The following ZBTB16 variants were observed in gnomAD, a reference collection of about 807,000 sequenced individuals.
ZBTB16 encodes the protein zinc finger and BTB domain containing 16.
Under a neutral mutation model 56.8 loss-of-function variants are expected in ZBTB16, and 8 were observed. That is an observed-to-expected ratio of 0.14 (90% CI 0.08 to 0.25). The LOEUF (loss-of-function observed/expected upper bound fraction) is 0.25. Among genes scored for constraint, ZBTB16 ranks in the 10% least tolerant of loss-of-function variants. The probability of loss-of-function intolerance (pLI) is 1.00; values close to 1 mark genes in which losing one functional copy is unlikely to be tolerated. For synonymous variants in ZBTB16, 363 were observed against 368.5 expected, an observed-to-expected ratio of 0.98 and a Z score of 0.17; for missense variants, 625 against 903.0, an observed-to-expected ratio of 0.69 and a Z score of 3.95.
chr11:114,182,299 C>A (rs972562837), intron 3 of ZBTB16, among the ~76,000 whole-genome samples: 4 of 152,174 alleles, frequency 2.6e-5, no homozygotes, highest in Non-Finnish European at 4.4e-5. Flanking sequence ...ATCTACCCAT[C>A]CCGGCCTCCC....
chr11:114,177,370 G>C (rs1337194263), intron 3 of ZBTB16, among the ~76,000 whole-genome samples: 2 of 152,058 alleles, frequency 1.3e-5, no homozygotes, highest in African/African-American at 4.8e-5. Flanking sequence ...CCTGCCCCAG[G>C]CTCCCGAGTA....
intron 5 of ZBTB16, among the ~76,000 whole-genome samples, chr11:114,242,883 G>C (rs1308509066): frequency 5.3e-5 from 8 of 152,158 alleles, no homozygotes; most frequent in Admixed American, 3.9e-4. Flanking sequence ...ACCCTGTTTA[G>C]GGAAGACAAG....
At chr11:114,157,746 C>G (rs1246181713) in intron 3 of ZBTB16, among the ~76,000 whole-genome samples, 1 of 152,184 alleles carries the variant, frequency 6.6e-6, no homozygotes, top group Admixed American at 6.5e-5. Context: ...CTAAAGCGTC[C>G]TAACTCCTTC....
At chr11:114,197,127 G>C (rs1170703399) in intron 4 of ZBTB16, among the ~76,000 whole-genome samples, 5 of 152,192 alleles carry the variant, frequency 3.3e-5, no homozygotes, top group Non-Finnish European at 5.9e-5. Context: ...TCTCTCCACT[G>C]TGACTACAAA....
intron 1 of ZBTB16, among the ~76,000 whole-genome samples, chr11:114,061,059 C>T (rs1346278378): frequency 6.6e-6 from 1 of 152,166 alleles, no homozygotes; most frequent in East Asian, 1.9e-4. Flanking sequence ...CTCAGCTCTC[C>T]TTCTTTCAGG....
intron 5 of ZBTB16, among the ~76,000 whole-genome samples, chr11:114,246,222 C>T (rs1295886141): frequency 6.6e-6 from 1 of 152,156 alleles, no homozygotes; most frequent in East Asian, 1.9e-4. Flanking sequence ...GCTTCTTATC[C>T]TGGTGGTGCT....
At chr11:114,179,427 C>A (rs1317932777) in intron 3 of ZBTB16, among the ~76,000 whole-genome samples, 3 of 152,182 alleles carry the variant, frequency 2.0e-5, no homozygotes, top group African/African-American at 4.8e-5. Flanking sequence ...AAACTGTACA[C>A]CATGGCCTGT....
At chr11:114,190,593 T>G (rs1454061633) in intron 4 of ZBTB16, among the ~76,000 whole-genome samples, 8 of 152,174 alleles carry the variant, frequency 5.3e-5, no homozygotes, top group African/African-American at 1.9e-4. Context: ...ACTGTACACT[T>G]TAAAAGACAT....
At chr11:114,211,648 T>C (rs1211196163) in intron 4 of ZBTB16, among the ~76,000 whole-genome samples, 1 of 152,216 alleles carries the variant, frequency 6.6e-6, no homozygotes, top group Admixed American at 6.5e-5. Flanking sequence ...TGGGGTGTTA[T>C]TGGCGACCCG....
chr11:114,133,061 T>C (rs1941707853), intron 2 of ZBTB16, among the ~76,000 whole-genome samples: 1 of 152,176 alleles, frequency 6.6e-6, no homozygotes, highest in Non-Finnish European at 1.5e-5. Context: ...AGTGTCTGAC[T>C]CTTTTTATAG....
At chr11:114,088,330 T>G (rs1030309572) in intron 2 of ZBTB16, among the ~76,000 whole-genome samples, 2 of 151,988 alleles carry the variant, frequency 1.3e-5, no homozygotes, top group Non-Finnish European at 2.9e-5. Flanking sequence ...TTAGTAGAGA[T>G]GCGGTTTCGC....
chr11:114,156,738 T>G (rs1405769647), intron 3 of ZBTB16, among the ~76,000 whole-genome samples: 2 of 152,244 alleles, frequency 1.3e-5, no homozygotes, highest in African/African-American at 4.8e-5. Flanking sequence ...AGTTGTGGAA[T>G]TAGGTTCTCA....
intron 2 of ZBTB16, among the ~76,000 whole-genome samples, chr11:114,141,010 A>G (rs188864043): frequency 1.3e-5 from 2 of 152,290 alleles, no homozygotes; most frequent in East Asian, 3.9e-4. Flanking sequence ...CACTGGGACC[A>G]AAGTCCTCAG....
chr11:114,135,309 G>A (rs1941769982), intron 2 of ZBTB16, among the ~76,000 whole-genome samples: 1 of 152,182 alleles, frequency 6.6e-6, no homozygotes, highest in Non-Finnish European at 1.5e-5. Flanking sequence ...AGACAAAATA[G>A]TGACTCCCTA....
rs564153357 is a variant in ZBTB16, at chr11:114,253,036, A to G, written c.*2481A>G. 1.3e-5 allele frequency among the ~76,000 whole-genome samples: 2 copies of G among 152,236 alleles called. No homozygotes were observed. Among genetic ancestry groups the G allele is most frequent in the South Asian group, 4.1e-4 (2 of 4,828 alleles). On this transcript the variant is annotated 3_prime_UTR_variant, in exon 7 of 7. Coordinates refer to ENST00000335953, the MANE Select transcript of ZBTB16 (RefSeq NM_006006.6). The stretch of plus-strand genomic sequence containing the variant: ...ATGTTTATAATGTGAAAAGGGTGAA[A>G]TCATTTGGGGGAGGGGCCGTCTGTA...
At chr11:114,099,223 A>C (rs1288416570) in intron 2 of ZBTB16, among the ~76,000 whole-genome samples, 1 of 152,118 alleles carries the variant, frequency 6.6e-6, no homozygotes, top group African/African-American at 2.4e-5. Context: ...TACAACAGAT[A>C]TTGATTTTAG....
chr11:114,092,071 A>G (rs983997312), intron 2 of ZBTB16, among the ~76,000 whole-genome samples: 1 of 152,130 alleles, frequency 6.6e-6, no homozygotes, highest in Non-Finnish European at 1.5e-5. Flanking sequence ...CAGCTCTGTT[A>G]CAGTAGAGTG....
intron 6 of ZBTB16, among the ~76,000 whole-genome samples, chr11:114,248,120 G>A (rs542827456): frequency 3.9e-4 from 59 of 152,170 alleles, no homozygotes; most frequent in African/African-American, 1.3e-3. Context: ...GGCTGGTCTC[G>A]AACTCCTGAC....
chr11:114,078,397 C>T (rs1184736155), intron 2 of ZBTB16, among the ~76,000 whole-genome samples: 5 of 152,170 alleles, frequency 3.3e-5, no homozygotes, highest in African/African-American at 1.2e-4. Flanking sequence ...AATGAGTGGA[C>T]TTTTTCTACC....
Sources: gnomAD v4.1 joint callset for allele counts (sites outside exome capture counted in the v4.1 genomes callset) on GRCh38, gnomAD v4.1.1 for gene constraint, MANE v1.5 for transcripts, NCBI Gene and HGNC (gene_info 2026-07-23, HGNC 2026-07-21) for gene names.